The following LAMA3 variants were observed in gnomAD, a reference collection of about 807,000 sequenced individuals.
LAMA3 encodes laminin subunit alpha 3.
LAMA3 carries 281 observed loss-of-function variants against 402.0 expected under a neutral mutation model. That is an observed-to-expected ratio of 0.70 (90% CI 0.63 to 0.77). The LOEUF is 0.77. LAMA3 is among the 30% of genes least tolerant of loss of function. The probability of loss-of-function intolerance (pLI) is 0.00; values close to 1 mark genes in which losing one functional copy is unlikely to be tolerated. For missense variants in LAMA3, 3,840 were observed against 4,215.5 expected (o/e 0.91, Z 2.47); for synonymous variants, 1,431 against 1,558.4 (o/e 0.92, Z 1.93).
At chr18:23,764,932 G>A (rs2062045233) in intron 8 of LAMA3, among the ~76,000 whole-genome samples, 1 of 152,070 alleles carries the variant, frequency 6.6e-6, no homozygotes, top group Non-Finnish European at 1.5e-5. Context: ...TCTTAAGAAT[G>A]GGTCATATTT....
Position 23,814,090 on chromosome 18 carries a change from T to A in LAMA3, c.1789-313T>A, listed in dbSNP as rs1466508352. On this transcript the variant is annotated intron_variant, in intron 14 of 74. Transcript: ENST00000313654. ...ACATTTTTTCTATTTAAATTGGTAG[T>A]CTATGCTGTAACAGTATCAACAGAC... Among the ~76,000 whole-genome samples the A allele has an allele frequency of 2.6e-5, 4 of 152,230 alleles. No homozygotes were observed. The East Asian group carries it at 5.8e-4, about 22-fold the overall frequency.
intron 3 of LAMA3, among the ~76,000 whole-genome samples, chr18:23,748,460 A>G (rs1200279644): frequency 1.3e-5 from 2 of 151,028 alleles, no homozygotes; most frequent in Non-Finnish European, 2.9e-5. Flanking sequence ...ATCTCTCAGT[A>G]TGACTAGTTA....
intron 69 of LAMA3, among the ~76,000 whole-genome samples, chr18:23,944,861 G>A (rs1256327693): frequency 2.6e-5 from 4 of 152,184 alleles, no homozygotes; most frequent in African/African-American, 4.8e-5. Context: ...TTGGCCAGGC[G>A]CGGTGGCTCA....
chr18:23,775,922 G>GAGTA lies in LAMA3; in HGVS notation c.1405+4_1405+7dup. 1 of 1,614,134 alleles carries GAGTA rather than the reference G, an allele frequency of 6.2e-7. No homozygotes were observed. The highest frequency in any genetic ancestry group is 8.5e-7 in the Non-Finnish European group (1 of 1,180,028). Reference sequence around the variant, plus strand: ...GATACTACAATTTCCCATTTTGCTTGAGTAAGTACCCACTGCAGAACAAGA... The same window carrying GAGTA: ...GATACTACAATTTCCCATTTTGCTTGAGTAAGTAAGTACCCACTGCAGAACAAGA... On this transcript the variant is annotated frameshift_variant and splice_region_variant, in exon 10 of 75. Coordinates refer to ENST00000313654, the MANE Select transcript of LAMA3 (RefSeq NM_198129.4). LOFTEE classifies it high-confidence loss of function.
At chr18:23,703,393 A>G (rs1161870970) in intron 1 of LAMA3, among the ~76,000 whole-genome samples, 2 of 152,216 alleles carry the variant, frequency 1.3e-5, no homozygotes, top group Non-Finnish European at 2.9e-5. Flanking sequence ...CTAACGTTCC[A>G]TAGCTGTGAC....
chr18:23,944,153 G>A (rs143450242), intron 69 of LAMA3, among the ~76,000 whole-genome samples, 182 bp downstream of exon 69: 289 of 152,292 alleles, frequency 1.9e-3, no homozygotes, highest in Non-Finnish European at 3.5e-3. Flanking sequence ...ACATTGCATG[G>A]CTGTCATCCT....
intron 6 of LAMA3, among the ~76,000 whole-genome samples, chr18:23,757,232 T>C (rs1448559617): frequency 1.3e-5 from 2 of 151,928 alleles, no homozygotes; most frequent in African/African-American, 4.8e-5. Context: ...CCACCTTACC[T>C]CAGGCCCTGG....
intron 38 of LAMA3, among the ~76,000 whole-genome samples, chr18:23,875,216 T>C (rs1018734305): frequency 1.3e-5 from 2 of 152,228 alleles, no homozygotes; most frequent in Admixed American, 1.3e-4. Context: ...ATAAAGGACA[T>C]GTCTATAATT....
intron 48 of LAMA3, among the ~76,000 whole-genome samples, chr18:23,902,714 A>G (rs2081114410): frequency 6.6e-6 from 1 of 152,214 alleles, no homozygotes; most frequent in Non-Finnish European, 1.5e-5. Flanking sequence ...CTGTTTCACA[A>G]ACCAGATTTT....
chr18:23,897,513 C>A (rs1470913069), intron 44 of LAMA3, among the ~76,000 whole-genome samples: 1 of 152,168 alleles, frequency 6.6e-6, no homozygotes. Flanking sequence ...GTGCTAAGGG[C>A]TTTACTCAAG....
At chr18:23,709,686 G>C in intron 1 of LAMA3, 1 of 405,738 alleles carries the variant, frequency 2.5e-6, no homozygotes. Flanking sequence ...GATACTCATG[G>C]GAAGGAAAGA....
intron 12 of LAMA3, among the ~76,000 whole-genome samples, chr18:23,790,865 A>G (rs2144079117): frequency 6.6e-6 from 1 of 151,842 alleles, no homozygotes; most frequent in Admixed American, 6.6e-5. Context: ...ATGAAGAACT[A>G]GTTTGAGATG....
At chr18:23,887,935 G>A (rs1169547523) in intron 41 of LAMA3, among the ~76,000 whole-genome samples, 4 of 152,224 alleles carry the variant, frequency 2.6e-5, no homozygotes, top group African/African-American at 9.6e-5. Context: ...AAGAGAACCA[G>A]TTATTTCTTA....
At chr18:23,814,176 C>T (rs1439116318) in intron 14 of LAMA3, among the ~76,000 whole-genome samples, 1 of 152,092 alleles carries the variant, frequency 6.6e-6, no homozygotes, top group Non-Finnish European at 1.5e-5. Flanking sequence ...TTTCCAGTTT[C>T]TTTTTAACCA....
chr18:23,718,097 C>A (rs1437889387), intron 2 of LAMA3, among the ~76,000 whole-genome samples: 1 of 152,056 alleles, frequency 6.6e-6, no homozygotes, highest in East Asian at 1.9e-4. Flanking sequence ...ATGTAGATGT[C>A]CAGTTTTTAA....
chr18:23,922,085 G>C (rs552231893), intron 62 of LAMA3, among the ~76,000 whole-genome samples: 2 of 152,234 alleles, frequency 1.3e-5, no homozygotes, highest in Admixed American at 6.5e-5. Flanking sequence ...CTGTTTCTTG[G>C]ATGAGTGAAC....
intron 16 of LAMA3, 65 bp downstream of exon 16, chr18:23,815,305 TG>T: frequency 6.7e-7 from 1 of 1,494,956 alleles, no homozygotes; most frequent in African/African-American, 1.4e-5. Context: ...GTGGGGTTTC[TG>T]GGGGCGTGTG....
chr18:23,763,627 G>C (rs1052467347), intron 8 of LAMA3, 104 bp downstream of exon 8: 8 of 796,180 alleles, frequency 1.0e-5, no homozygotes, highest in African/African-American at 8.4e-5. Context: ...GCAATCGTAA[G>C]AGTTTTCTGA....
chr18:23,900,955 T>G (rs2081049282), intron 47 of LAMA3, among the ~76,000 whole-genome samples, 172 bp from the exon 48 acceptor site: 1 of 152,194 alleles, frequency 6.6e-6, no homozygotes, highest in African/African-American at 2.4e-5. Context: ...TGAGGCAACA[T>G]GTACAGTGCA....
Sources: gnomAD v4.1 joint callset for allele counts (sites outside exome capture counted in the v4.1 genomes callset) on GRCh38, gnomAD v4.1.1 for gene constraint, MANE v1.5 for transcripts, NCBI Gene and HGNC (gene_info 2026-07-23, HGNC 2026-07-21) for gene names.